Variants in PCDHGB2 observed in about 807,000 individuals in gnomAD.
PCDHGB2 encodes the protein protocadherin gamma subfamily B, 2, also known as protocadherin gamma-B2.
Under a neutral mutation model 59.3 loss-of-function variants are expected in PCDHGB2, and 55 were observed. The ratio of observed to expected loss-of-function variants is 0.93; its 90% CI spans 0.75 to 1.16. PCDHGB2 has a LOEUF of 1.16. Ranked by LOEUF, PCDHGB2 falls within the 50% of genes most tolerant of loss-of-function variation. The probability of loss-of-function intolerance (pLI) is 0.00; values close to 1 mark genes in which losing one functional copy is unlikely to be tolerated. For missense variants in PCDHGB2, 1,228 were observed against 1,198.5 expected (o/e 1.02, Z -0.36); for synonymous variants, 516 against 512.0 (o/e 1.01, Z -0.11).
At chr5:141,479,862 C>T (rs2099508997) in intron 1 of PCDHGB2, among the ~76,000 whole-genome samples, 1 of 152,170 alleles carries the variant, frequency 6.6e-6, no homozygotes, top group Non-Finnish European at 1.5e-5. Flanking sequence ...GGCCTTTGCC[C>T]TGGAGAGAAC....
chr5:141,405,376 G>A lies in PCDHGB2; in HGVS notation c.2421+42820G>A, dbSNP rs567557596. On this transcript the variant is annotated intron_variant, in intron 1 of 3. Coordinates refer to ENST00000522605, the MANE Select transcript of PCDHGB2 (RefSeq NM_018923.3). The stretch of plus-strand genomic sequence containing the variant: ...CTATAGAAGACACCCCTTTGGTTCC[G>A]GTGAGTTCATTTTTTTTCTTTCTTT... The A allele has an allele frequency of 4.3e-4, 696 of 1,602,156 alleles. 3 individuals carry two copies. In the South Asian group the frequency reaches 6.8e-3, roughly 16 times the overall value.
At chr5:141,430,217 T>C (rs1055487905) in intron 1 of PCDHGB2, among the ~76,000 whole-genome samples, 1 of 150,102 alleles carries the variant, frequency 6.7e-6, no homozygotes, top group Non-Finnish European at 1.5e-5. Context: ...TATTATATTA[T>C]ATGATTTGTC....
Position 141,489,153 on chromosome 5 carries a change from G to T in PCDHGB2, c.2422-5654G>T. 1 of 935,828 alleles carries T rather than the reference G, an allele frequency of 1.1e-6. No individual in the cohort carries two copies. Among genetic ancestry groups the T allele is most frequent in the South Asian group, 1.8e-5 (1 of 55,006 alleles). 58.0% of individuals were successfully genotyped at this position (935,828 alleles called of 1,614,324 possible). A position where few individuals can be genotyped will look rare whatever the true frequency, so the allele number is the denominator to read the frequency against. Reference sequence around the variant, plus strand: ...TTTAAGAGGCTGGAAGGAGACATAAGAGACTTCAGCTGCTGCATTCCAAGC... The same window carrying T: ...TTTAAGAGGCTGGAAGGAGACATAATAGACTTCAGCTGCTGCATTCCAAGC... On this transcript the variant is annotated intron_variant, in intron 1 of 3. Transcript: ENST00000522605. The surrounding 1 kb of genome is among the most constrained non-coding windows in gnomAD (Gnocchi z 4.5).
At position 141,432,003 on chromosome 5, in the gene PCDHGB2, T is replaced by A; in HGVS notation, c.2422-62804T>A. On this transcript the variant is annotated intron_variant, in intron 1 of 3. Coordinates refer to ENST00000522605, the MANE Select transcript of PCDHGB2 (RefSeq NM_018923.3). This position sits in a 1 kb window ranked among gnomAD's most constrained non-coding sequence, Gnocchi z 6.0. ...GACATAGTCTTGGATAGGGAACAGG[T>A]TCCTAGCTACAACATCACAGTGACC... The A allele has an allele frequency of 6.2e-7, 1 of 1,614,116 alleles. No individual in the cohort carries two copies.
At chr5:141,383,303 C>T (rs1445366017) in intron 1 of PCDHGB2, 4 of 1,613,892 alleles carry the variant, frequency 2.5e-6, no homozygotes. Flanking sequence ...AGATTCTTGA[C>T]GGAAGAAATA....
At chr5:141,366,013 G>T (rs1764261730) in intron 1 of PCDHGB2, 5 of 1,614,102 alleles carry the variant, frequency 3.1e-6, no homozygotes, top group Non-Finnish European at 4.2e-6. Flanking sequence ...ATACGCCTGA[G>T]ATCCTGTACC....
At chr5:141,370,286 A>G in intron 1 of PCDHGB2, 1 of 968,422 alleles carries the variant, frequency 1.0e-6, no homozygotes, top group Admixed American at 2.9e-5. Context: ...CCATTAGAGA[A>G]CCCAAGCACA....
rs762314174 is a variant in PCDHGB2, at chr5:141,404,905, GCC to G, written c.2421+42353_2421+42354del. The G allele has an allele frequency of 1.9e-6, 3 of 1,613,910 alleles. No homozygotes were observed. In the South Asian group the frequency reaches 3.3e-5, roughly 18 times the overall value. On this transcript the variant is annotated intron_variant, in intron 1 of 3. Coordinates refer to ENST00000522605, the MANE Select transcript of PCDHGB2 (RefSeq NM_018923.3). ...TGGTGGCTGTACAGGACCATGGCCA[GCC>G]CCCTCTCTCGGCCACTGTCACGCTC...
chr5:141,506,177 G>T (rs1024892091), intron 3 of PCDHGB2, among the ~76,000 whole-genome samples: 4 of 152,142 alleles, frequency 2.6e-5, no homozygotes, highest in African/African-American at 9.7e-5. Context: ...TAAGCTGGGC[G>T]TGGTGGCTCA....
Position 141,476,646 on chromosome 5 carries a change from A to G in PCDHGB2, c.2422-18161A>G, listed in dbSNP as rs771366262. 1.9e-6 allele frequency: 3 copies of G among 1,614,132 alleles called. No homozygotes were observed. The highest frequency in any genetic ancestry group is 1.7e-5 in the Admixed American group (1 of 60,010). ...TTACAAACCTATGAGCTGAGCCGAA[A>G]TGAATACTTTGCGCTTCGCGTGCAG... On this transcript the variant is annotated intron_variant, in intron 1 of 3. Transcript: ENST00000522605. This position sits in a 1 kb window ranked among gnomAD's most constrained non-coding sequence, Gnocchi z 7.6.
chr5:141,415,477 CGAAA>C (rs764359660), intron 1 of PCDHGB2: 56 of 1,614,066 alleles, frequency 3.5e-5, no homozygotes, highest in Middle Eastern at 3.3e-4. Context: ...CGCGGACTCG[CGAAA>C]GAGTCACCTG....
At chr5:141,455,860 ATTATTTAT>A (rs145569377) in intron 1 of PCDHGB2, among the ~76,000 whole-genome samples, 26,605 of 139,696 alleles carry the variant, frequency 0.19, 2,610 homozygotes, top group Middle Eastern at 0.23. Context: ...AATTTCTTTT[ATTATTTAT>A]TTATTTATTT....
At chr5:141,413,708 C>G in intron 1 of PCDHGB2, 1 of 1,613,664 alleles carries the variant, frequency 6.2e-7, no homozygotes, top group African/African-American at 1.3e-5. Flanking sequence ...CAGCTCAGCC[C>G]CAATAAGCAC....
chr5:141,488,222 G>A (rs1351438124), intron 1 of PCDHGB2, among the ~76,000 whole-genome samples: 1 of 152,104 alleles, frequency 6.6e-6, no homozygotes, highest in Admixed American at 6.5e-5. Flanking sequence ...TCCCTACTGG[G>A]GATTTGAACT....
At position 141,450,754 on chromosome 5, in the gene PCDHGB2, C is replaced by T. The variant is rs192088793; in HGVS notation, c.2422-44053C>T. Among the ~76,000 whole-genome samples, 54 of 151,098 alleles carry T rather than the reference C, an allele frequency of 3.6e-4. 1 individual carries two copies. Among genetic ancestry groups the T allele is most frequent in the African/African-American group, 1.1e-3 (47 of 41,192 alleles). ...CGCCCGCCTTGGCCTCCCAAAGTGC[C>T]GGGATTACAGGCATGAGCCACCGTG... On this transcript the variant is annotated intron_variant, in intron 1 of 3. Transcript: ENST00000522605.
chr5:141,394,275 A>G (rs371709954), intron 1 of PCDHGB2: 21 of 1,613,792 alleles, frequency 1.3e-5, no homozygotes, highest in Non-Finnish European at 1.6e-5. Flanking sequence ...TGCCCAGGTC[A>G]CTTACTCTGT....
In PCDHGB2 at chr5:141,402,724, G is replaced by A. The variant is rs558797465; in HGVS notation, c.2421+40168G>A. Among the ~76,000 whole-genome samples, 7 of 152,276 alleles carry A rather than the reference G, an allele frequency of 4.6e-5. No individual in the cohort carries two copies. The South Asian group carries it at 1.5e-3, about 32-fold the overall frequency. On this transcript the variant is annotated intron_variant, in intron 1 of 3. Transcript: ENST00000522605. Reference sequence around the variant, plus strand: ...GGGTGTAGTAACGGCTTAGGACTCTGAGCGCCGCTGTTGATCAACTCTAAG... The same window carrying A: ...GGGTGTAGTAACGGCTTAGGACTCTAAGCGCCGCTGTTGATCAACTCTAAG...
At chr5:141,398,573 G>A (rs561224063) in intron 1 of PCDHGB2, 39 of 1,613,870 alleles carry the variant, frequency 2.4e-5, no homozygotes, top group Non-Finnish European at 3.1e-5. Flanking sequence ...GCACAGCCTG[G>A]CACAAGATTT....
rs746913952 is a variant in PCDHGB2, at chr5:141,432,898, G to A, written c.2422-61909G>A. The A allele has an allele frequency of 1.2e-6, 2 of 1,614,174 alleles. No homozygotes were observed. Among genetic ancestry groups the A allele is most frequent in the South Asian group, 1.1e-5 (1 of 91,090 alleles). On this transcript the variant is annotated intron_variant, in intron 1 of 3. Transcript: ENST00000522605. This position sits in a 1 kb window ranked among gnomAD's most constrained non-coding sequence, Gnocchi z 6.0. ...TGGCCTTCGTCATCTTGCTGCTGGC[G>A]CTCAGGCTGCGGCGCTGGCACAAGT...
Sources: allele counts gnomAD v4.1 joint callset (sites outside exome capture counted in the v4.1 genomes callset), GRCh38; gene constraint gnomAD v4.1.1; non-coding constraint Gnocchi (gnomAD v3.1); transcripts MANE v1.5; gene names NCBI Gene and HGNC (gene_info 2026-07-23, HGNC 2026-07-21).